CYLD: variants seen among roughly 807,000 people sequenced by gnomAD.
CYLD encodes the protein CYLD lysine 63 deubiquitinase.
In CYLD, 26 loss-of-function variants were observed where a neutral mutation model predicts 104.5. The ratio of observed to expected loss-of-function variants is 0.25; its 90% CI spans 0.18 to 0.35. The LOEUF (loss-of-function observed/expected upper bound fraction) is 0.35. Ranked by LOEUF, CYLD falls within the 10% of genes least tolerant of loss-of-function variation. CYLD has a pLI of 1.00. For synonymous variants in CYLD, 385 were observed against 399.9 expected, an observed-to-expected ratio of 0.96 and a Z score of 0.45; for missense variants, 703 against 1,136.1, an observed-to-expected ratio of 0.62 and a Z score of 5.48.
Position 50,749,776 on chromosome 16 carries a change from A to G in CYLD, c.78A>G (p.Gln26=). 1 of 1,613,934 alleles carries G rather than the reference A, an allele frequency of 6.2e-7. No individual in the cohort carries two copies. The highest frequency in any genetic ancestry group is 8.5e-7 in the Non-Finnish European group (1 of 1,179,962). ...AGCGGATTTTTTACTTGCTTCTTCA[A>G]GAATGCAGCGTTACAGACAAACAAA... ...WEERIFYLLL[Q]ECSVTDKQTQ... The change falls in exon 3 of 19, where the codon CAA becomes CAG. Residue 26 remains glutamine (Q), a synonymous_variant. Transcript: ENST00000427738.
In CYLD at chr16:50,780,247, G is replaced by A. The variant is rs79115439; in HGVS notation, c.1518+203G>A. On this transcript the variant is annotated intron_variant, in intron 9 of 18. Transcript: ENST00000427738. ...CTTGTCCTAATGTTAGTTGATTTATGTTCAAGGAATGAAAGTTGATTTTTA... is the reference window on the plus strand; with the variant it reads ...CTTGTCCTAATGTTAGTTGATTTATATTCAAGGAATGAAAGTTGATTTTTA... Among the ~76,000 whole-genome samples, 1,261 of 152,246 alleles carry A rather than the reference G, an allele frequency of 8.3e-3. 15 individuals carry two copies. The highest frequency in any genetic ancestry group is 0.026 in the African/African-American group (1,071 of 41,550).
chr16:50,755,330 G>A (rs1448344229), intron 5 of CYLD, among the ~76,000 whole-genome samples: 1 of 151,952 alleles, frequency 6.6e-6, no homozygotes, highest in East Asian at 1.9e-4. Flanking sequence ...AGATTGTGCT[G>A]CTGTAAACGT....
intron 9 of CYLD, 119 bp from the exon 10 acceptor site, chr16:50,781,127 G>A (rs1970178536): frequency 2.9e-6 from 3 of 1,041,120 alleles, no homozygotes; most frequent in South Asian, 1.3e-5. Flanking sequence ...TCTCAGTACA[G>A]GTGCGAAGAG....
chr16:50,787,327 G>A lies in CYLD; in HGVS notation c.2041+381G>A. 6 of 289,904 alleles carry A rather than the reference G, an allele frequency of 2.1e-5. No homozygotes were observed. In the South Asian group the frequency reaches 2.2e-4, roughly 11 times the overall value. 18.0% of individuals were successfully genotyped at this position (289,904 alleles called of 1,614,324 possible). A position where few individuals can be genotyped will look rare whatever the true frequency, so the allele number is the denominator to read the frequency against. On this transcript the variant is annotated intron_variant, in intron 13 of 18. Transcript: ENST00000427738. ...AAGGGAGTTAGAAAGCTGCTAACTA[G>A]GATTAAGTTTATAGTCAGGGAACAG...
chr16:50,749,634 G>A lies in CYLD; in HGVS notation c.-65G>A, dbSNP rs775837680. The A allele has an allele frequency of 3.7e-5, 56 of 1,527,726 alleles. No individual in the cohort carries two copies. Among genetic ancestry groups the A allele is most frequent in the East Asian group, 6.8e-5 (3 of 43,928 alleles). 94.6% of individuals were successfully genotyped at this position (1,527,726 alleles called of 1,614,324 possible). A position where few individuals can be genotyped will look rare whatever the true frequency, so the allele number is the denominator to read the frequency against. ...GACTGCCACTGAATTTATCTTTTGC[G>A]GTTTTATGACAAAGTTATTAGTAGT... On this transcript the variant is annotated 5_prime_UTR_variant, in exon 3 of 19. Coordinates refer to ENST00000427738, the MANE Select transcript of CYLD (RefSeq NM_001378743.1).
At chr16:50,780,097 C>A (rs1318880712) in intron 9 of CYLD, 53 bp downstream of exon 9, 133 of 1,596,798 alleles carry the variant, frequency 8.3e-5, no homozygotes, top group Middle Eastern at 1.7e-4. Context: ...AGGTTTTGTG[C>A]AGATTTCGCC....
In CYLD at chr16:50,798,617, A is replaced by G. The variant is rs1972237859; in HGVS notation, c.*2109A>G. The G allele has an allele frequency of 1.4e-5, 3 of 207,730 alleles. No individual in the cohort carries two copies. The East Asian group carries it at 2.1e-4, about 15-fold the overall frequency. 12.9% of individuals were successfully genotyped at this position (207,730 alleles called of 1,614,324 possible). On this transcript the variant is annotated 3_prime_UTR_variant, in exon 19 of 19. Transcript: ENST00000427738. The stretch of plus-strand genomic sequence containing the variant: ...GTAAGACTGGATTTAACAGTTGGAA[A>G]AAAAAAAAAAAAAGGAGAGAGAAGA...
chr16:50,779,691 A>G lies in CYLD; in HGVS notation c.1165A>G (p.Thr389Ala). Residue 389 changes from threonine (T) to alanine (A), a missense_variant, in exon 9 of 19, where the codon ACA (threonine) becomes GCA (alanine). Around this residue, in one of 5 missense-constraint regions of CYLD, gnomAD observed 183 missense variants for 212.1 expected, o/e 0.86. Coordinates refer to ENST00000427738, the MANE Select transcript of CYLD (RefSeq NM_001378743.1). ...TGCAGAAGACCCTGCAAAATCTCTT[A>G]CAGAGATATCTACAGACTTTGACCG... ...EVAEDPAKSL[T>A]EISTDFDRSS... 1 of 1,613,890 alleles carries G rather than the reference A, an allele frequency of 6.2e-7. No homozygotes were observed. The highest frequency in any genetic ancestry group is 8.5e-7 in the Non-Finnish European group (1 of 1,179,866).
In CYLD at chr16:50,796,100, C is replaced by T. The variant is rs150017229; in HGVS notation, c.2687-224C>T. Among the ~76,000 whole-genome samples the T allele has an allele frequency of 3.8e-3, 577 of 152,202 alleles. 1 individual carries two copies. Among genetic ancestry groups the T allele is most frequent in the Non-Finnish European group, 6.1e-3 (412 of 68,008 alleles). ...TGGGGGCTTACCTCAGAATTCGTGT[C>T]CTTTTACCAGGTTTATTCACTGTTG... On this transcript the variant is annotated intron_variant, in intron 18 of 18. Coordinates refer to ENST00000427738, the MANE Select transcript of CYLD (RefSeq NM_001378743.1).
Position 50,794,912 on chromosome 16 carries a change from A to G in CYLD, c.2686+484A>G. 1 of 194,542 alleles carries G rather than the reference A, an allele frequency of 5.1e-6. No individual in the cohort carries two copies. The highest frequency in any genetic ancestry group is 1.1e-5 in the Non-Finnish European group (1 of 93,226). 12.1% of individuals were successfully genotyped at this position (194,542 alleles called of 1,614,324 possible). ...CTGGGATTACAAGAGGAGCCAGTGCACCCAGCCTCATATTGTGATATTTTG... is the reference window on the plus strand; with the variant it reads ...CTGGGATTACAAGAGGAGCCAGTGCGCCCAGCCTCATATTGTGATATTTTG... On this transcript the variant is annotated intron_variant, in intron 18 of 18. Transcript: ENST00000427738. The surrounding 1 kb of genome is among the most constrained non-coding windows in gnomAD (Gnocchi z 4.1).
chr16:50,777,724 A>G (rs957632928), intron 7 of CYLD, 101 bp from the exon 8 acceptor site: 11 of 718,492 alleles, frequency 1.5e-5, no homozygotes, highest in East Asian at 2.5e-5. Flanking sequence ...GGTTATGTAA[A>G]CAGTTATTAA....
At chr16:50,795,588 C>T in intron 18 of CYLD, 1 of 702,990 alleles carries the variant, frequency 1.4e-6, no homozygotes, top group Non-Finnish European at 2.6e-6. Context: ...TCTGGTGTGG[C>T]CCTCCAGTAG....
At chr16:50,742,503 G>T in intron 1 of CYLD, 1 of 320,256 alleles carries the variant, frequency 3.1e-6, no homozygotes, top group Non-Finnish European at 5.6e-6. Context: ...CCAGAGGAGA[G>T]AGGACTTGGG....
chr16:50,785,409 A>G (rs1970708037), intron 12 of CYLD: 2 of 152,270 alleles, frequency 1.3e-5, no homozygotes, highest in East Asian at 3.9e-4. Context: ...AAATTTCCTC[A>G]CTTATATCTT....
At chr16:50,781,586 A>G (rs1160540901) in intron 10 of CYLD, among the ~76,000 whole-genome samples, 175 bp downstream of exon 10, 1 of 152,228 alleles carries the variant, frequency 6.6e-6, no homozygotes, top group African/African-American at 2.4e-5. Flanking sequence ...TTAAGAGGGG[A>G]CATCTTAAAA....
chr16:50,793,204 CAT>C (rs1971605915), intron 16 of CYLD, among the ~76,000 whole-genome samples: 1 of 151,792 alleles, frequency 6.6e-6, no homozygotes, highest in Admixed American at 6.6e-5. Context: ...AATTCATAAT[CAT>C]ATTGACAGTG....
Position 50,793,605 on chromosome 16 carries a change from G to A in CYLD, c.2410G>A (p.Asp804Asn), listed in dbSNP as rs780529514. Residue 804 changes from aspartate (D) to asparagine (N), a missense_variant, in exon 17 of 19, where the codon GAC becomes AAC. By Grantham distance (23) the Asp-to-Asn change is conservative. Transcript: ENST00000427738. ...LAMYECRECY[D>N]DPDISAGKIK... Reference sequence around the variant, plus strand: ...AATGTATGAGTGTAGAGAATGCTACGACGATCCGGACATCTCAGCTGGAAA... The same window carrying A: ...AATGTATGAGTGTAGAGAATGCTACAACGATCCGGACATCTCAGCTGGAAA... 5 of 1,613,926 alleles carry A rather than the reference G, an allele frequency of 3.1e-6. No homozygotes were observed. The highest frequency in any genetic ancestry group is 2.7e-5 in the African/African-American group (2 of 74,910).
At chr16:50,759,752 AT>A in intron 5 of CYLD, among the ~76,000 whole-genome samples, 1 of 152,256 alleles carries the variant, frequency 6.6e-6, no homozygotes, top group African/African-American at 2.4e-5. Flanking sequence ...ACTGATTAAA[AT>A]TTTTGCCAGC....
chr16:50,765,019 T>A (rs1044995069), intron 5 of CYLD, among the ~76,000 whole-genome samples: 3 of 152,222 alleles, frequency 2.0e-5, no homozygotes, highest in African/African-American at 7.2e-5. Flanking sequence ...GGATAACCAA[T>A]TCTATGCTAA....
Sources: gnomAD v4.1 joint callset for allele counts (sites outside exome capture counted in the v4.1 genomes callset) on GRCh38, gnomAD v4.1.1 for gene constraint, gnomAD v4.1.1 regional missense constraint, Gnocchi (gnomAD v3.1) non-coding constraint, MANE v1.5 for transcripts, NCBI Gene and HGNC (gene_info 2026-07-23, HGNC 2026-07-21) for gene names.